CASP4: variants seen among roughly 807,000 people sequenced by gnomAD.
CASP4 encodes the protein caspase 4.
In CASP4, 29 loss-of-function variants were observed where a neutral mutation model predicts 41.3. The observed-to-expected ratio is 0.70, with a 90% CI of 0.52 to 0.96. CASP4 has a LOEUF of 0.96. Among genes scored for constraint, CASP4 ranks in the 40% least tolerant of loss-of-function variants. The pLI, the probability that CASP4 is intolerant of heterozygous loss-of-function variation, is 0.00. For synonymous variants in CASP4, 185 were observed against 158.4 expected (o/e 1.17, Z -1.26); for missense variants, 447 against 460.6 (o/e 0.97, Z 0.27).
In CASP4 at chr11:104,947,248, C is replaced by T. The variant is rs1860487801; in HGVS notation, c.926-56G>A. 26 of 1,066,594 alleles carry T rather than the reference C, an allele frequency of 2.4e-5. No individual in the cohort carries two copies. In the South Asian group the frequency reaches 3.3e-4, roughly 14 times the overall value. 66.1% of individuals were successfully genotyped at this position (1,066,594 alleles called of 1,614,324 possible). On this transcript the variant is annotated intron_variant, in intron 6 of 8. Coordinates refer to ENST00000444739, the MANE Select transcript of CASP4 (RefSeq NM_001225.4). Reference sequence around the variant, plus strand: ...CTATGACTTTCACTATGTTTTTGTTCATATTTTTGTTTTGAGAATGTTTTT... The same window carrying T: ...CTATGACTTTCACTATGTTTTTGTTTATATTTTTGTTTTGAGAATGTTTTT...
intron 1 of CASP4, among the ~76,000 whole-genome samples, chr11:104,958,980 A>C (rs1163545174): frequency 6.6e-6 from 1 of 150,408 alleles, no homozygotes; most frequent in African/African-American, 2.5e-5. Context: ...AAAAAAAAAA[A>C]AAAAAAAGAG....
intron 4 of CASP4, among the ~76,000 whole-genome samples, chr11:104,950,404 G>C (rs1860578131): frequency 6.6e-6 from 1 of 151,998 alleles, no homozygotes; most frequent in Admixed American, 6.6e-5. Flanking sequence ...ACTTTTGGCT[G>C]TCTTGTCGCT....
chr11:104,949,435 TATTTACA>T, intron 5 of CASP4, 101 bp downstream of exon 5: 1 of 1,181,840 alleles, frequency 8.5e-7, no homozygotes, highest in South Asian at 1.3e-5. Context: ...CAATGTACTT[TATTTACA>T]CTGGATGAGG....
chr11:104,951,848 C>T (rs1443053804), intron 3 of CASP4, 48 bp downstream of exon 3: 1 of 1,249,688 alleles, frequency 8.0e-7, no homozygotes, highest in East Asian at 2.3e-5. Context: ...TGAAGGAAAG[C>T]AATGATATCT....
At chr11:104,962,208 G>A (rs1860876457) in intron 1 of CASP4, among the ~76,000 whole-genome samples, 2 of 152,034 alleles carry the variant, frequency 1.3e-5, no homozygotes, top group South Asian at 2.1e-4. Context: ...CACAACTATG[G>A]TGAGGTGAGC....
At chr11:104,951,725 A>G (rs1338822225) in intron 3 of CASP4, 171 bp downstream of exon 3, 2 of 658,584 alleles carry the variant, frequency 3.0e-6, no homozygotes, top group Non-Finnish European at 5.6e-6. Flanking sequence ...TGGATTGAGA[A>G]AGGATTGGTA....
chr11:104,945,322 G>A (rs975389075), intron 7 of CASP4, among the ~76,000 whole-genome samples: 4 of 149,556 alleles, frequency 2.7e-5, no homozygotes, highest in South Asian at 2.1e-4. Context: ...GTGCAACCTC[G>A]GCTCACTGCA....
At chr11:104,946,793 A>T (rs2134633648) in intron 7 of CASP4, 1 of 197,304 alleles carries the variant, frequency 5.1e-6, no homozygotes, top group South Asian at 9.6e-5. Context: ...TCATTTAATA[A>T]ATTAAGAAAT....
chr11:104,949,328 A>G, intron 5 of CASP4: 1 of 589,330 alleles, frequency 1.7e-6, no homozygotes, highest in Non-Finnish European at 3.0e-6. Context: ...CTCCTTCACC[A>G]CTTACTGTGG....
chr11:104,964,991 A>G (rs1350441717), intron 1 of CASP4, among the ~76,000 whole-genome samples: 1 of 152,226 alleles, frequency 6.6e-6, no homozygotes, highest in Non-Finnish European at 1.5e-5. Context: ...TGGTAAACAG[A>G]TTAGTTCTAT....
rs1860904300 is a variant in CASP4, at chr11:104,963,354, C to A, written c.7+5165G>T. ...AGAAAAACAGAGGAAGCACCACAGA[C>A]CCCATTTTGGGAAAAACAAACAACA... On this transcript the variant is annotated intron_variant, in intron 1 of 8. Coordinates refer to ENST00000444739, the MANE Select transcript of CASP4 (RefSeq NM_001225.4). Among the ~76,000 whole-genome samples the A allele has an allele frequency of 2.0e-5, 3 of 152,136 alleles. No homozygotes were observed. In the South Asian group the frequency reaches 6.2e-4, roughly 32 times the overall value.
intron 2 of CASP4, among the ~76,000 whole-genome samples, chr11:104,953,484 A>G (rs1860663652): frequency 1.3e-5 from 2 of 152,278 alleles, no homozygotes; most frequent in South Asian, 4.1e-4. Context: ...GATTGTTTCC[A>G]TGCCATCCAG....
intron 6 of CASP4, chr11:104,947,393 T>C: frequency 2.7e-6 from 1 of 369,668 alleles, no homozygotes; most frequent in Admixed American, 4.4e-5. Flanking sequence ...TGATCAAAAG[T>C]TGCAGTTGGT....
chr11:104,950,816 A>ACACACC, intron 4 of CASP4, 109 bp downstream of exon 4: 1 of 953,544 alleles, frequency 1.0e-6, no homozygotes, highest in South Asian at 1.6e-5. Flanking sequence ...ACACACACAC[A>ACACACC]CACACACCCA....
At chr11:104,944,370 G>C (rs632482) in intron 8 of CASP4, 1,430 of 66,284 alleles carry the variant, frequency 0.022, 22 homozygotes, top group African/African-American at 0.053. Flanking sequence ...CTCTCTCTCT[G>C]TGTGTGTGTG....
chr11:104,965,342 T>TGGTTACATTCTTCTCACCTTGG (rs1403234079), intron 1 of CASP4, among the ~76,000 whole-genome samples: 1 of 152,234 alleles, frequency 6.6e-6, no homozygotes, highest in Admixed American at 6.5e-5. Context: ...AGTTGCAAAG[T>TGGTTACATTCTTCTCACCTTGG]GGTTACATTC....
rs375492506 is a variant in CASP4 at position 104,947,169 on chromosome 11, T to A, written c.949A>T (p.Thr317Ser). Residue 317 changes from threonine (T) to serine (S), a missense_variant, in exon 7 of 9, where the codon ACA (threonine) becomes TCA (serine). Coordinates refer to ENST00000444739, the MANE Select transcript of CASP4 (RefSeq NM_001225.4). ...TGTGTGATGAAGATAGAGCCCATTG[T>A]GCTGTCTCTCCAGGACACGTTGTCT... is the stretch of plus-strand genomic sequence containing the variant. Reference protein sequence around the residue: ...TPHNVSWRDSTMGSIFITQLI... With the variant: ...TPHNVSWRDSSMGSIFITQLI... The A allele has an allele frequency of 2.5e-6, 4 of 1,611,324 alleles. No homozygotes were observed. Among genetic ancestry groups the A allele is most frequent in the African/African-American group, 1.3e-5 (1 of 74,860 alleles).
At chr11:104,965,467 T>G (rs59580775) in intron 1 of CASP4, among the ~76,000 whole-genome samples, 7,624 of 152,298 alleles carry the variant, frequency 0.05, 221 homozygotes, top group South Asian at 0.11. Flanking sequence ...ATTAAGCTAT[T>G]AGAAAACCCA....
intron 4 of CASP4, 127 bp from the exon 5 acceptor site, chr11:104,949,904 C>G: frequency 1.2e-6 from 1 of 833,904 alleles, no homozygotes; most frequent in East Asian, 2.6e-5. Flanking sequence ...TTAGTGCTTA[C>G]TCAGTCATGA....
Sources: allele counts gnomAD v4.1 joint callset (sites outside exome capture counted in the v4.1 genomes callset), GRCh38; gene constraint gnomAD v4.1.1; transcripts MANE v1.5; gene names NCBI Gene and HGNC (gene_info 2026-07-23, HGNC 2026-07-21).